Variants in PRH1 observed in about 807,000 individuals in gnomAD.
The protein encoded by PRH1 is proline rich protein HaeIII subfamily 1.
PRH1 carries 7 observed loss-of-function variants against 7.9 expected under a neutral mutation model. The observed-to-expected ratio is 0.89, with a 90% CI of 0.50 to 1.67. The LOEUF is 1.67. PRH1 is among the 40% of genes most tolerant of loss of function. The pLI is 0.00. For synonymous variants in PRH1, 45 were observed against 80.8 expected (o/e 0.56, Z 2.38); for missense variants, 109 against 223.6 (o/e 0.49, Z 3.27).
intron 1 of PRH1, among the ~76,000 whole-genome samples, chr12:11,136,037 A>G (rs2136379684): frequency 6.6e-6 from 1 of 152,218 alleles, no homozygotes; most frequent in Non-Finnish European, 1.5e-5. Context: ...CAAGACAAGG[A>G]ACACTGAAAA....
chr12:10,975,830 G>A (rs974246821), intron 1 of PRH1, among the ~76,000 whole-genome samples: 1 of 151,700 alleles, frequency 6.6e-6, no homozygotes, highest in East Asian at 1.9e-4. Flanking sequence ...ACAAGGAAGG[G>A]CATTATGTAA....
chr12:11,128,245 ATTTATT>A (rs942242587), intron 1 of PRH1, among the ~76,000 whole-genome samples: 2 of 152,022 alleles, frequency 1.3e-5, no homozygotes, highest in African/African-American at 4.8e-5. Context: ...ACTTTTCTCT[ATTTATT>A]TTTGATTACT....
At chr12:10,970,152 C>T (rs1386410121) in intron 2 of PRH1, among the ~76,000 whole-genome samples, 1 of 152,182 alleles carries the variant, frequency 6.6e-6, no homozygotes, top group Non-Finnish European at 1.5e-5. Context: ...CATACAAAAA[C>T]ATACCCAAAG....
intron 1 of PRH1, among the ~76,000 whole-genome samples, chr12:11,035,380 T>A (rs1942394556): frequency 6.6e-6 from 1 of 152,198 alleles, no homozygotes; most frequent in East Asian, 1.9e-4. Flanking sequence ...TGGGTAGTTA[T>A]CTTCAAATTC....
chr12:11,015,246 A>T (rs1432066614), intron 1 of PRH1, among the ~76,000 whole-genome samples: 1 of 152,274 alleles, frequency 6.6e-6, no homozygotes, highest in East Asian at 1.9e-4. Context: ...GAAAAGGAAC[A>T]CAAGACCCTA....
At chr12:10,919,889 T>G (rs867918375) in intron 2 of PRH1, among the ~76,000 whole-genome samples, 14 of 143,020 alleles carry the variant, frequency 9.8e-5, no homozygotes, top group Middle Eastern at 3.6e-3. Context: ...CAAAAAATAT[T>G]AAAAAAATTT....
chr12:10,914,912 A>G (rs1261813073), intron 2 of PRH1, among the ~76,000 whole-genome samples: 2 of 152,180 alleles, frequency 1.3e-5, no homozygotes, highest in Non-Finnish European at 1.5e-5. Context: ...GTGCATCACA[A>G]GGTCAGGAGA....
At chr12:11,014,238 A>C (rs1417094701) in intron 1 of PRH1, among the ~76,000 whole-genome samples, 1 of 152,042 alleles carries the variant, frequency 6.6e-6, no homozygotes, top group East Asian at 1.9e-4. Context: ...AAGAATTGAG[A>C]CCTTGGGCAG....
chr12:11,124,365 T>C (rs1946029130), intron 1 of PRH1, among the ~76,000 whole-genome samples: 1 of 152,302 alleles, frequency 6.6e-6, no homozygotes, highest in Non-Finnish European at 1.5e-5. Context: ...CTTACTTATT[T>C]GATTTGTTTA....
chr12:11,027,503 T>C (rs376853627), intron 1 of PRH1, among the ~76,000 whole-genome samples: 5 of 152,338 alleles, frequency 3.3e-5, no homozygotes, highest in Admixed American at 1.3e-4. Context: ...GCTCTCTCTA[T>C]AAATTTCCTA....
intron 2 of PRH1, among the ~76,000 whole-genome samples, chr12:10,925,817 T>C (rs1950115552): frequency 6.6e-6 from 1 of 152,152 alleles, no homozygotes; most frequent in African/African-American, 2.4e-5. Context: ...AGCAAGTGAG[T>C]AGTGGTGCAC....
chr12:11,072,475 C>T (rs1459154360), intron 1 of PRH1, among the ~76,000 whole-genome samples: 1 of 152,220 alleles, frequency 6.6e-6, no homozygotes, highest in Non-Finnish European at 1.5e-5. Flanking sequence ...TAGAGCAGGA[C>T]CAAGGCGAAG....
intron 1 of PRH1, among the ~76,000 whole-genome samples, chr12:11,089,130 A>T (rs1407090511): frequency 8.7e-6 from 1 of 115,304 alleles, no homozygotes; most frequent in Non-Finnish European, 2.1e-5. Flanking sequence ...GCTTTCTTAG[A>T]TTCCCTTCAC....
chr12:11,149,564 G>A (rs1349269138), intron 1 of PRH1, among the ~76,000 whole-genome samples: 124 of 149,012 alleles, frequency 8.3e-4, no homozygotes, highest in Non-Finnish European at 1.4e-3. Flanking sequence ...AACAAGCAAT[G>A]GGGAAAGGAT....
intron 1 of PRH1, among the ~76,000 whole-genome samples, chr12:11,085,434 C>G (rs1245417999): frequency 8.3e-6 from 1 of 119,920 alleles, no homozygotes; most frequent in Non-Finnish European, 2.0e-5. Context: ...AGTAAACATA[C>G]CATGTCTGAA....
chr12:11,094,323 A>G lies in PRH1; in HGVS notation n.124-47135T>C, dbSNP rs1288479590. On this transcript the variant is annotated intron_variant and non_coding_transcript_variant, in intron 1 of 4. Transcript: ENST00000541977. Reference sequence around the variant, plus strand: ...TCAAAAAAAAAAAAAAAAAAAAAAAAAACCCGACGTCAAACGACATGTGAG... The same window carrying G: ...TCAAAAAAAAAAAAAAAAAAAAAAAGAACCCGACGTCAAACGACATGTGAG... Among the ~76,000 whole-genome samples the G allele has an allele frequency of 1.5e-4, 17 of 109,752 alleles. 3 individuals are homozygous for G. The highest frequency in any genetic ancestry group is 5.2e-4 in the African/African-American group (17 of 32,834). 72.0% of individuals were successfully genotyped at this position (109,752 alleles called of 152,430 possible).
At chr12:10,918,997 T>C (rs1425248098) in intron 2 of PRH1, among the ~76,000 whole-genome samples, 59 of 152,300 alleles carry the variant, frequency 3.9e-4, no homozygotes, top group Admixed American at 3.9e-3. Context: ...TGCATTCATT[T>C]TAAATGTACT....
chr12:11,031,551 G>A (rs569034251), intron 1 of PRH1: 33 of 536,640 alleles, frequency 6.1e-5, no homozygotes, highest in African/African-American at 3.5e-4. Context: ...GGAGGAAGGC[G>A]ACCCAGGCAG....
chr12:10,995,667 A>G (rs1940186881), intron 1 of PRH1, among the ~76,000 whole-genome samples: 1 of 152,114 alleles, frequency 6.6e-6, no homozygotes, highest in Non-Finnish European at 1.5e-5. Context: ...AATTTTAAGG[A>G]TGGAAGATAA....
Sources: gnomAD v4.1 joint callset for allele counts (sites outside exome capture counted in the v4.1 genomes callset) on GRCh38, gnomAD v4.1.1 for gene constraint, MANE v1.5 for transcripts, NCBI Gene and HGNC (gene_info 2026-07-23, HGNC 2026-07-21) for gene names.